NUGGC: variants seen among roughly 807,000 people sequenced by gnomAD.
NUGGC encodes the protein nuclear GTPase, germinal center associated, also known as nuclear GTPase SLIP-GC.
In NUGGC, 58 loss-of-function variants were observed where a neutral mutation model predicts 92.6. The ratio of observed to expected loss-of-function variants is 0.63; its 90% confidence interval spans 0.51 to 0.78. NUGGC has a LOEUF of 0.78. NUGGC is among the 30% of genes least tolerant of loss of function. The pLI is 0.00. For missense variants in NUGGC, 925 were observed against 964.6 expected, an observed-to-expected ratio of 0.96 and a Z score of 0.54; for synonymous variants, 376 against 366.4, an observed-to-expected ratio of 1.03 and a Z score of -0.30.
chr8:28,072,252 G>A (rs979502241), intron 2 of NUGGC, among the ~76,000 whole-genome samples: 7 of 152,182 alleles, frequency 4.6e-5, no homozygotes, highest in Non-Finnish European at 7.3e-5. Context: ...ATTCGCCCTG[G>A]CTCGGTTTGA....
At chr8:28,029,656 C>T (rs536200151) in intron 16 of NUGGC, among the ~76,000 whole-genome samples, 4 of 152,034 alleles carry the variant, frequency 2.6e-5, no homozygotes, top group Admixed American at 6.6e-5. Context: ...GGCTCAGGCA[C>T]GAGAATCGCT....
chr8:28,069,676 C>G (rs1437305106), intron 3 of NUGGC, 24 bp from the exon 4 acceptor site: 1 of 1,285,462 alleles, frequency 7.8e-7, no homozygotes. Flanking sequence ...AGAGATGTCA[C>G]CTGCAGGTAC....
intron 8 of NUGGC, among the ~76,000 whole-genome samples, chr8:28,058,511 T>C (rs1048620962): frequency 6.6e-6 from 1 of 152,256 alleles, no homozygotes; most frequent in African/African-American, 2.4e-5. Context: ...TTCTGTGACC[T>C]CACTCCCTGT....
At chr8:28,069,308 T>C (rs980114003) in intron 4 of NUGGC, among the ~76,000 whole-genome samples, 2 of 152,206 alleles carry the variant, frequency 1.3e-5, no homozygotes, top group Non-Finnish European at 2.9e-5. Context: ...TAATAGCTCC[T>C]ACTTTATAGG....
chr8:28,056,434 C>T (rs112297616), intron 9 of NUGGC, among the ~76,000 whole-genome samples: 6 of 150,832 alleles, frequency 4.0e-5, no homozygotes, highest in African/African-American at 1.2e-4. Context: ...GTCGAGATCG[C>T]GCCACTGCAC....
At chr8:28,059,171 G>A (rs868738253) in intron 8 of NUGGC, among the ~76,000 whole-genome samples, 3 of 152,160 alleles carry the variant, frequency 2.0e-5, no homozygotes, top group South Asian at 2.1e-4. Flanking sequence ...AAGCTTCAGT[G>A]GGTGTGGAGG....
rs187706176 is a variant in NUGGC, at chr8:28,043,004, G to A, written c.1447-1789C>T. On this transcript the variant is annotated intron_variant, in intron 12 of 18. Coordinates refer to ENST00000413272, the MANE Select transcript of NUGGC (RefSeq NM_001010906.2). ...AGTTTATGGAGACTGTTTAGCATTCGGTGCACCCCGGGAATTTCCCTCATT... is the reference window on the plus strand; with the variant it reads ...AGTTTATGGAGACTGTTTAGCATTCAGTGCACCCCGGGAATTTCCCTCATT... 2.1e-4 allele frequency among the ~76,000 whole-genome samples: 32 copies of A among 152,192 alleles called. No individual in the cohort carries two copies. The East Asian group carries it at 5.2e-3, about 25-fold the overall frequency.
At chr8:28,053,659 C>T (rs887604015) in intron 10 of NUGGC, among the ~76,000 whole-genome samples, 1 of 152,196 alleles carries the variant, frequency 6.6e-6, no homozygotes, top group Non-Finnish European at 1.5e-5. Context: ...ACCCTGCAAA[C>T]TGATGTATTG....
chr8:28,031,220 T>C (rs757299660), intron 15 of NUGGC, 23 bp downstream of exon 15: 4 of 1,613,828 alleles, frequency 2.5e-6, no homozygotes. Context: ...CTCACTGCTC[T>C]CCTCACTTTA....
chr8:28,028,402 C>T (rs1051854218), intron 17 of NUGGC, among the ~76,000 whole-genome samples: 9 of 152,182 alleles, frequency 5.9e-5, no homozygotes, highest in Admixed American at 2.6e-4. Context: ...TTTTCCAAAA[C>T]TGCAGTCCCG....
intron 10 of NUGGC, among the ~76,000 whole-genome samples, chr8:28,053,523 A>G (rs1810059390): frequency 6.6e-6 from 1 of 152,120 alleles, no homozygotes; most frequent in Non-Finnish European, 1.5e-5. Context: ...ATGTAGTACA[A>G]GTAAAGGTTT....
In NUGGC at chr8:28,064,723, C is replaced by A; in HGVS notation, c.720G>T (p.Glu240Asp). 1 of 1,613,886 alleles carries A rather than the reference C, an allele frequency of 6.2e-7. No individual in the cohort carries two copies. Among genetic ancestry groups the A allele is most frequent in the Non-Finnish European group, 8.5e-7 (1 of 1,179,826 alleles). Reference protein sequence around the residue: ...VITLKAEEAEELSIKLDPYIR... With the variant: ...VITLKAEEAEDLSIKLDPYIR... The stretch of plus-strand genomic sequence containing the variant: ...TGTAGGGGTCCAGCTTGATGGACAG[C>A]TCTTCTGCCTGAAGAAGGAGGACAG... The change falls in exon 7 of 19, where the codon GAG becomes GAT. Residue 240 changes from glutamate (E) to aspartate (D), a missense_variant. Coordinates refer to ENST00000413272, the MANE Select transcript of NUGGC (RefSeq NM_001010906.2).
At chr8:28,057,122 AG>A (rs933188776) in intron 9 of NUGGC, among the ~76,000 whole-genome samples, 39 of 152,314 alleles carry the variant, frequency 2.6e-4, no homozygotes, top group African/African-American at 8.7e-4. Flanking sequence ...GTGATCCTGG[AG>A]GGGCTCCCAA....
intron 9 of NUGGC, among the ~76,000 whole-genome samples, chr8:28,057,289 C>T (rs973933117): frequency 6.7e-6 from 1 of 150,156 alleles, no homozygotes; most frequent in Non-Finnish European, 1.5e-5. Flanking sequence ...AATACGGTGC[C>T]GTATTGTAAA....
At chr8:28,070,126 C>T in intron 3 of NUGGC, 126 bp downstream of exon 3, 4 of 1,444,594 alleles carry the variant, frequency 2.8e-6, no homozygotes, top group Non-Finnish European at 3.6e-6. Context: ...TGAGCCCTCT[C>T]TTTCCAAAAC....
At chr8:28,024,847 C>G (rs1438239811) in intron 18 of NUGGC, among the ~76,000 whole-genome samples, 2 of 152,212 alleles carry the variant, frequency 1.3e-5, no homozygotes, top group Non-Finnish European at 2.9e-5. Context: ...CGCGTCCCAG[C>G]CCTGAATAAC....
At chr8:28,049,036 T>G (rs560537186) in intron 10 of NUGGC, among the ~76,000 whole-genome samples, 31 of 152,286 alleles carry the variant, frequency 2.0e-4, no homozygotes, top group African/African-American at 7.5e-4. Flanking sequence ...CTATAGAATG[T>G]GCATGTGCGT....
chr8:28,037,688 G>C (rs1428522116), intron 13 of NUGGC, among the ~76,000 whole-genome samples: 2 of 152,166 alleles, frequency 1.3e-5, no homozygotes, highest in Non-Finnish European at 2.9e-5. Flanking sequence ...ATAGGCATGT[G>C]ACCCACTTAG....
Position 28,033,568 on chromosome 8 carries a change from T to G in NUGGC, c.1741A>C (p.Ile581Leu). 6.2e-7 allele frequency: 1 copy of G among 1,613,724 alleles called. No individual in the cohort carries two copies. Among genetic ancestry groups the G allele is most frequent in the Admixed American group, 1.7e-5 (1 of 59,970 alleles). ...AAAATGCTTCCAAAAACAGGGTCGA[T>G]CTGGTCATAGACGGGCTGAGTGAGG... ...EALTQPVYDQ[I>L]DPVFGSIFRT... Residue 581 changes from isoleucine (I) to leucine (L), a missense_variant, in exon 14 of 19, where the codon ATC becomes CTC. Transcript: ENST00000413272.
Sources: gnomAD v4.1 joint callset for allele counts (sites outside exome capture counted in the v4.1 genomes callset) on GRCh38, gnomAD v4.1.1 for gene constraint, MANE v1.5 for transcripts, NCBI Gene and HGNC (gene_info 2026-07-23, HGNC 2026-07-21) for gene names.